ZNF431: variants seen among roughly 807,000 people sequenced by gnomAD.
The protein encoded by ZNF431 is zinc finger protein 431.
In ZNF431, 34 loss-of-function variants were observed where a neutral mutation model predicts 57.0. The observed-to-expected ratio is 0.60, with a 90% CI of 0.45 to 0.79. ZNF431 has a LOEUF of 0.79. ZNF431 is among the 30% of genes least tolerant of loss of function. The probability of loss-of-function intolerance (pLI) is 0.00; values close to 1 mark genes in which losing one functional copy is unlikely to be tolerated. For synonymous variants in ZNF431, 207 were observed against 220.3 expected (o/e 0.94, Z 0.54); for missense variants, 607 against 667.1 (o/e 0.91, Z 0.99).
chr19:21,174,625 A>C (rs1286884987), intron 4 of ZNF431, among the ~76,000 whole-genome samples: 1 of 152,100 alleles, frequency 6.6e-6, no homozygotes, highest in Non-Finnish European at 1.5e-5. Flanking sequence ...AGATTTTTTC[A>C]GTTCTGTTAC....
intron 4 of ZNF431, among the ~76,000 whole-genome samples, chr19:21,171,649 A>G (rs1234836670): frequency 6.7e-6 from 1 of 149,320 alleles, no homozygotes; most frequent in Non-Finnish European, 1.5e-5. Flanking sequence ...GTGAGTAGTC[A>G]TGAAAATATT....
intron 3 of ZNF431, 137 bp from the exon 4 acceptor site, chr19:21,167,434 C>T (rs1188815014): frequency 2.2e-6 from 1 of 448,076 alleles, no homozygotes; most frequent in Non-Finnish European, 3.3e-6. Flanking sequence ...GCTGAGATAA[C>T]AGGTGTGAGC....
intron 2 of ZNF431, among the ~76,000 whole-genome samples, chr19:21,155,412 T>C (rs577736587): frequency 6.6e-6 from 1 of 152,330 alleles, no homozygotes; most frequent in East Asian, 1.9e-4. Context: ...CATGCTGTTT[T>C]GGTTACTGTA....
chr19:21,143,832 A>G (rs1970008364), intron 2 of ZNF431, among the ~76,000 whole-genome samples, 189 bp downstream of exon 2: 1 of 152,318 alleles, frequency 6.6e-6, no homozygotes, highest in African/African-American at 2.4e-5. Flanking sequence ...AGTGTTAAAA[A>G]GTGAAAAATT....
rs62124927 is a variant in ZNF431 at position 21,191,117 on chromosome 19, C to A, written c.*7083C>A. On this transcript the variant is annotated 3_prime_UTR_variant, in exon 5 of 5. Transcript: ENST00000311048. Reference sequence around the variant, plus strand: ...CAGCAGCTTTTTAATTTGAAGTGATCTGACTTATTTTTCCTTTTGTGTCCT... The same window carrying A: ...CAGCAGCTTTTTAATTTGAAGTGATATGACTTATTTTTCCTTTTGTGTCCT... The A allele has an allele frequency of 6.6e-6, 1 of 151,986 alleles. No individual in the cohort carries two copies. The highest frequency in any genetic ancestry group is 1.5e-5 in the Non-Finnish European group (1 of 68,002). 9.4% of individuals were successfully genotyped at this position (151,986 alleles called of 1,614,324 possible). A position where few individuals can be genotyped will look rare whatever the true frequency, so the allele number is the denominator to read the frequency against.
At chr19:21,148,803 G>A (rs1469136254) in intron 2 of ZNF431, among the ~76,000 whole-genome samples, 1 of 152,132 alleles carries the variant, frequency 6.6e-6, no homozygotes, top group East Asian at 1.9e-4. Context: ...GTGAAGTCTA[G>A]GACACAGACA....
chr19:21,163,534 T>G (rs1171252653), intron 2 of ZNF431, among the ~76,000 whole-genome samples: 1 of 152,226 alleles, frequency 6.6e-6, no homozygotes, highest in Non-Finnish European at 1.5e-5. Flanking sequence ...AATGTTGGTT[T>G]TTTTTGAGAC....
intron 2 of ZNF431, among the ~76,000 whole-genome samples, chr19:21,158,894 G>T (rs1176129062): frequency 6.6e-6 from 1 of 152,108 alleles, no homozygotes. Context: ...TTCTTGTCTT[G>T]TGCCAGTTTT....
Position 21,194,089 on chromosome 19 carries a change from T to G in ZNF431, c.*10055T>G, listed in dbSNP as rs1480919830. 6.6e-6 allele frequency: 1 copy of G among 152,190 alleles called. No homozygotes were observed. The highest frequency in any genetic ancestry group is 1.5e-5 in the Non-Finnish European group (1 of 68,038). 9.4% of individuals were successfully genotyped at this position (152,190 alleles called of 1,614,324 possible). A position where few individuals can be genotyped will look rare whatever the true frequency, so the allele number is the denominator to read the frequency against. On this transcript the variant is annotated 3_prime_UTR_variant, in exon 5 of 5. Transcript: ENST00000311048. The stretch of plus-strand genomic sequence containing the variant: ...AGTGAAATTACCTTCACTCATGATA[T>G]AATTCTCTACCTAGAAAACTTTAAG...
chr19:21,142,549 G>C (rs1263445063), intron 1 of ZNF431, among the ~76,000 whole-genome samples: 1 of 152,222 alleles, frequency 6.6e-6, no homozygotes, highest in Non-Finnish European at 1.5e-5. Context: ...GCTTTGTTCC[G>C]TGGAGTTCCC....
intron 2 of ZNF431, among the ~76,000 whole-genome samples, chr19:21,156,389 T>C (rs1343348995): frequency 6.6e-6 from 1 of 152,212 alleles, no homozygotes; most frequent in Non-Finnish European, 1.5e-5. Flanking sequence ...ACTTTTCTTT[T>C]TGGTTAAGGG....
rs1268936742 is a variant in ZNF431 at position 21,193,156 on chromosome 19, A to AGCTGGTATTACTTCTACTGAAT, written c.*9124_*9145dup. On this transcript the variant is annotated 3_prime_UTR_variant, in exon 5 of 5. Coordinates refer to ENST00000311048, the MANE Select transcript of ZNF431 (RefSeq NM_133473.4). ...GAATTTTAACACATATACAGAGATG[A>AGCTGGTATTACTTCTACTGAAT]GCTGGTATTACTTCTACTGAATGTA... 1 of 152,212 alleles carries AGCTGGTATTACTTCTACTGAAT rather than the reference A, an allele frequency of 6.6e-6. No homozygotes were observed. The allele number at this position is 152,212 out of a possible 1,614,324, so 9.4% of individuals were successfully genotyped here.
intron 4 of ZNF431, chr19:21,169,902 T>G (rs1970832967): frequency 2.5e-6 from 1 of 398,592 alleles, no homozygotes; most frequent in Non-Finnish European, 4.4e-6. Context: ...CCTGTCTGCA[T>G]GGCTGCAAAT....
At position 21,189,629 on chromosome 19, in the gene ZNF431, CTATAAT is replaced by C; in HGVS notation, c.*5599_*5604del. ...TCTTGAACTTATTTCTTCCATTTGA[CTATAAT>C]TATGTATTATTTCACAAACATGTTT... On this transcript the variant is annotated 3_prime_UTR_variant, in exon 5 of 5. Coordinates refer to ENST00000311048, the MANE Select transcript of ZNF431 (RefSeq NM_133473.4). 8.7e-6 allele frequency: 3 copies of C among 343,230 alleles called. No individual in the cohort carries two copies. In the South Asian group the frequency reaches 4.6e-4, roughly 53 times the overall value. The allele number at this position is 343,230 out of a possible 1,614,324, so 21.3% of individuals were successfully genotyped here.
chr19:21,143,535 T>C lies in ZNF431; in HGVS notation c.4-16T>C. ...TGCCTAGTGAATATCAGCTTCTGGT[T>C]TATTTTCTTCCATAGGACGACTTGA... On this transcript the variant is annotated splice_polypyrimidine_tract_variant and intron_variant, in intron 1 of 4. Coordinates refer to ENST00000311048, the MANE Select transcript of ZNF431 (RefSeq NM_133473.4). 6.2e-7 allele frequency: 1 copy of C among 1,604,916 alleles called. No homozygotes were observed. Among genetic ancestry groups the C allele is most frequent in the Non-Finnish European group, 8.5e-7 (1 of 1,171,578 alleles).
Position 21,163,002 on chromosome 19 carries a change from T to A in ZNF431, c.97-3333T>A, listed in dbSNP as rs73539777. ...GCTTTTATTCTATACATTTTATTTT[T>A]AAAAATGACAGAGAAACAGATGAAG... On this transcript the variant is annotated intron_variant, in intron 2 of 4. Transcript: ENST00000311048. Among the ~76,000 whole-genome samples the A allele has an allele frequency of 6.5e-3, 995 of 152,168 alleles. 16 individuals are homozygous for A. Among genetic ancestry groups the A allele is most frequent in the African/African-American group, 0.023 (965 of 41,506 alleles).
chr19:21,154,040 A>G (rs1475648989), intron 2 of ZNF431, among the ~76,000 whole-genome samples: 1 of 151,872 alleles, frequency 6.6e-6, no homozygotes, highest in Non-Finnish European at 1.5e-5. Flanking sequence ...TTTTTTTATT[A>G]TACTTTAAGT....
chr19:21,148,315 C>G (rs911627928), intron 2 of ZNF431, among the ~76,000 whole-genome samples: 1 of 152,112 alleles, frequency 6.6e-6, no homozygotes, highest in Non-Finnish European at 1.5e-5. Context: ...TCTTTATAGA[C>G]AAATCTATCC....
At chr19:21,175,453 G>T in intron 4 of ZNF431, 1 of 695,898 alleles carries the variant, frequency 1.4e-6, no homozygotes, top group Non-Finnish European at 2.6e-6. Flanking sequence ...TATGTTCCAG[G>T]ATACATGTGC....
Sources: allele counts gnomAD v4.1 joint callset (sites outside exome capture counted in the v4.1 genomes callset), GRCh38; gene constraint gnomAD v4.1.1; transcripts MANE v1.5; gene names NCBI Gene and HGNC (gene_info 2026-07-23, HGNC 2026-07-21).